The following ASRGL1 variants were observed in gnomAD, a reference collection of about 807,000 sequenced individuals.
The protein encoded by ASRGL1 is isoaspartyl peptidase/L-asparaginase.
In ASRGL1, 16 loss-of-function variants were observed where a neutral mutation model predicts 22.4. The ratio of observed to expected loss-of-function variants is 0.71; its 90% confidence interval spans 0.48 to 1.08. The LOEUF (loss-of-function observed/expected upper bound fraction) is 1.08, where lower values mean the gene tolerates loss of function less well. ASRGL1 is among the 50% of genes least tolerant of loss of function. The probability of loss-of-function intolerance (pLI) is 0.00; values close to 1 mark genes in which losing one functional copy is unlikely to be tolerated. For missense variants in ASRGL1, 412 were observed against 410.1 expected, an observed-to-expected ratio of 1.00 and a Z score of -0.04; for synonymous variants, 165 against 159.3, an observed-to-expected ratio of 1.04 and a Z score of -0.27.
At position 62,338,295 on chromosome 11, in the gene ASRGL1, A is replaced by G. The variant is rs1171299944; in HGVS notation, c.190+128A>G. 15 of 1,032,494 alleles carry G rather than the reference A, an allele frequency of 1.5e-5. No individual in the cohort carries two copies. The African/African-American group carries it at 2.0e-4, about 14-fold the overall frequency. 64.0% of individuals were successfully genotyped at this position (1,032,494 alleles called of 1,614,324 possible). ...GTGAAACTAAGTATGTAAAAAAGAA[A>G]CAATATTTAATTTTTCTACCTGTGC... On this transcript the variant is annotated intron_variant, in intron 2 of 6. Transcript: ENST00000415229.
In ASRGL1 at chr11:62,337,879, TG is replaced by T; in HGVS notation, c.-88-10del. The T allele has an allele frequency of 7.6e-7, 1 of 1,311,754 alleles. No homozygotes were observed. The highest frequency in any genetic ancestry group is 1.0e-6 in the Non-Finnish European group (1 of 963,704). 81.3% of individuals were successfully genotyped at this position (1,311,754 alleles called of 1,614,324 possible). On this transcript the variant is annotated splice_polypyrimidine_tract_variant and intron_variant, in intron 1 of 6. Coordinates refer to ENST00000415229, the MANE Select transcript of ASRGL1 (RefSeq NM_001083926.2). ...GCCGTTCAGAACAGAGACTGGGCAT[TG>T]TCCCCACAGGGTCTCCCGAGGACCT...
chr11:62,394,769 G>A (rs886248041), downstream of ASRGL1, among the ~76,000 whole-genome samples: 2 of 152,160 alleles, frequency 1.3e-5, no homozygotes, highest in African/African-American at 2.4e-5. Context: ...GCTAGGGTAC[G>A]TATGGGGTCG....
chr11:62,350,676 G>A (rs1374467902), intron 2 of ASRGL1, among the ~76,000 whole-genome samples: 10 of 152,082 alleles, frequency 6.6e-5, no homozygotes, highest in Non-Finnish European at 1.3e-4. Flanking sequence ...CATACCTATA[G>A]TCCCAGCTAC....
chr11:62,341,597 A>G (rs539648068), intron 2 of ASRGL1, among the ~76,000 whole-genome samples: 2 of 152,256 alleles, frequency 1.3e-5, no homozygotes, highest in Non-Finnish European at 2.9e-5. Context: ...ATTGGTATTC[A>G]TTTCTTTGTT....
intron 6 of ASRGL1, 103 bp downstream of exon 6, chr11:62,391,735 G>T: frequency 7.2e-7 from 1 of 1,395,450 alleles, no homozygotes; most frequent in Non-Finnish European, 9.6e-7. Context: ...CTTTCCTGTT[G>T]GCTACAGATG....
At chr11:62,349,453 A>C (rs1008568264) in intron 2 of ASRGL1, among the ~76,000 whole-genome samples, 1 of 152,166 alleles carries the variant, frequency 6.6e-6, no homozygotes, top group Non-Finnish European at 1.5e-5. Flanking sequence ...TTCTCACTGA[A>C]ATAATTTTTG....
intron 2 of ASRGL1, among the ~76,000 whole-genome samples, chr11:62,347,378 G>GATAT (rs1269777729): frequency 6.6e-6 from 1 of 152,156 alleles, no homozygotes; most frequent in African/African-American, 2.4e-5. Context: ...CTTCCTCGGA[G>GATAT]ATAGAGGGGT....
Position 62,356,619 on chromosome 11 carries a change from C to T in ASRGL1, c.333+152C>T, listed in dbSNP as rs1012868879. 9 of 1,066,308 alleles carry T rather than the reference C, an allele frequency of 8.4e-6. No individual in the cohort carries two copies. In the Admixed American group the frequency reaches 8.8e-5, roughly 10 times the overall value. 66.1% of individuals were successfully genotyped at this position (1,066,308 alleles called of 1,614,324 possible). A position where few individuals can be genotyped will look rare whatever the true frequency, so the allele number is the denominator to read the frequency against. ...ATGTATTTGAGTTTCTCAAATCAGC[C>T]ATGATTTTTGACTAGGAATCACTTG... is the stretch of plus-strand genomic sequence containing the variant. On this transcript the variant is annotated intron_variant, in intron 3 of 6. Coordinates refer to ENST00000415229, the MANE Select transcript of ASRGL1 (RefSeq NM_001083926.2).
At position 62,365,763 on chromosome 11, in the gene ASRGL1, T is replaced by C. The variant is rs1192705379; in HGVS notation, c.491+8619T>C. Among the ~76,000 whole-genome samples the C allele has an allele frequency of 1.2e-4, 18 of 152,048 alleles. No homozygotes were observed. The East Asian group carries it at 3.3e-3, about 28-fold the overall frequency. On this transcript the variant is annotated intron_variant, in intron 4 of 6. Coordinates refer to ENST00000415229, the MANE Select transcript of ASRGL1 (RefSeq NM_001083926.2). Reference sequence around the variant, plus strand: ...TATTTGAGAGGCTGAAGCAGAGAATTCCTTAAACCCAGGAGGCAGAGGCTG... The same window carrying C: ...TATTTGAGAGGCTGAAGCAGAGAATCCCTTAAACCCAGGAGGCAGAGGCTG...
At chr11:62,381,412 TC>T (rs1159087606) in intron 4 of ASRGL1, among the ~76,000 whole-genome samples, 1 of 152,240 alleles carries the variant, frequency 6.6e-6, no homozygotes, top group East Asian at 1.9e-4. Context: ...TTTTGAACTT[TC>T]CATTCCTTTC....
chr11:62,386,715 G>A (rs947932233), intron 4 of ASRGL1, among the ~76,000 whole-genome samples: 1 of 152,138 alleles, frequency 6.6e-6, no homozygotes, highest in African/African-American at 2.4e-5. Context: ...CTGAGTCATG[G>A]AATGTGCATA....
chr11:62,352,071 C>G (rs1279577113), intron 2 of ASRGL1, among the ~76,000 whole-genome samples: 2 of 152,158 alleles, frequency 1.3e-5, no homozygotes, highest in African/African-American at 4.8e-5. Context: ...TTATGTCCCC[C>G]TCAAAATTTA....
chr11:62,391,764 C>A, intron 6 of ASRGL1, 132 bp downstream of exon 6: 1 of 1,219,586 alleles, frequency 8.2e-7, no homozygotes, highest in Non-Finnish European at 1.1e-6. Flanking sequence ...AGGCCGTTAA[C>A]ACCTTGTTTT....
intron 5 of ASRGL1, chr11:62,389,781 G>A: frequency 4.4e-6 from 1 of 226,574 alleles, no homozygotes; most frequent in Admixed American, 5.3e-5. Flanking sequence ...CAGGGCTGGG[G>A]GGCTGTATGT....
Position 62,386,893 on chromosome 11 carries a change from A to AT in ASRGL1, c.492-2225dup, listed in dbSNP as rs34472338. Among the ~76,000 whole-genome samples, 639 of 143,842 alleles carry AT rather than the reference A, an allele frequency of 4.4e-3. 2 individuals carry two copies. Among genetic ancestry groups the AT allele is most frequent in the African/African-American group, 0.01 (402 of 39,132 alleles). The allele number at this position is 143,842 out of a possible 152,430, so 94.4% of individuals were successfully genotyped here. A position where few individuals can be genotyped will look rare whatever the true frequency, so the allele number is the denominator to read the frequency against. On this transcript the variant is annotated intron_variant, in intron 4 of 6. Transcript: ENST00000415229. ...GAGGGCAGGTGGAGTGGAAAGAATG[A>AT]TTTTTTTTTTTTTTTCTGAGATGGA...
intron 4 of ASRGL1, among the ~76,000 whole-genome samples, chr11:62,359,157 C>A (rs997348156): frequency 3.3e-5 from 5 of 152,122 alleles, no homozygotes; most frequent in African/African-American, 1.2e-4. Flanking sequence ...CAGCACCATC[C>A]AGTAGAAATA....
chr11:62,369,894 C>T (rs928976345), intron 4 of ASRGL1, among the ~76,000 whole-genome samples: 1 of 152,128 alleles, frequency 6.6e-6, no homozygotes, highest in African/African-American at 2.4e-5. Flanking sequence ...GCCTATCTTC[C>T]ATCCAAATGA....
intron 4 of ASRGL1, among the ~76,000 whole-genome samples, chr11:62,368,810 C>G (rs1001109898): frequency 2.6e-5 from 4 of 152,088 alleles, no homozygotes; most frequent in African/African-American, 9.7e-5. Flanking sequence ...TTGATGTGCA[C>G]GTATACAAAC....
downstream of ASRGL1, among the ~76,000 whole-genome samples, chr11:62,395,037 C>G (rs188820656): frequency 7.9e-5 from 12 of 152,312 alleles, no homozygotes; most frequent in Non-Finnish European, 1.3e-4. Flanking sequence ...TTCAGCCGCC[C>G]AAAGGGAAGG....
Sources: gnomAD v4.1 joint callset for allele counts (sites outside exome capture counted in the v4.1 genomes callset) on GRCh38, gnomAD v4.1.1 for gene constraint, MANE v1.5 for transcripts, NCBI Gene and HGNC (gene_info 2026-07-23, HGNC 2026-07-21) for gene names.